SLC24A3: variants seen among roughly 807,000 people sequenced by gnomAD.
The protein encoded by SLC24A3 is sodium/potassium/calcium exchanger 3.
In SLC24A3, 28 loss-of-function variants were observed where a neutral mutation model predicts 75.8. The ratio of observed to expected loss-of-function variants is 0.37; its 90% CI spans 0.27 to 0.51. The LOEUF is 0.51. Ranked by LOEUF, SLC24A3 falls within the 20% of genes least tolerant of loss-of-function variation. The pLI is 0.94. For synonymous variants in SLC24A3, 372 were observed against 334.1 expected, an observed-to-expected ratio of 1.11 and a Z score of -1.24; for missense variants, 663 against 847.8, an observed-to-expected ratio of 0.78 and a Z score of 2.71.
chr20:19,490,573 A>C (rs1400411958), intron 2 of SLC24A3, among the ~76,000 whole-genome samples: 2 of 152,210 alleles, frequency 1.3e-5, no homozygotes, highest in Non-Finnish European at 2.9e-5. Flanking sequence ...TAAATATAGT[A>C]ATTATGACTC....
intron 15 of SLC24A3, among the ~76,000 whole-genome samples, chr20:19,707,900 A>G (rs147056172): frequency 5.9e-5 from 9 of 152,350 alleles, no homozygotes; most frequent in African/African-American, 2.2e-4. Flanking sequence ...TCTGAAGTTC[A>G]GAGGCAAGGT....
chr20:19,343,088 A>AAG lies in SLC24A3; in HGVS notation c.271+62002_271+62003insGA, dbSNP rs1555788806. Among the ~76,000 whole-genome samples the AAG allele has an allele frequency of 4.9e-3, 719 of 147,192 alleles. 40 individuals are homozygous for AAG. Among genetic ancestry groups the AAG allele is most frequent in the African/African-American group, 0.018 (670 of 37,580 alleles). On this transcript the variant is annotated intron_variant, in intron 2 of 16. Transcript: ENST00000328041. The stretch of plus-strand genomic sequence containing the variant: ...CCATCTCAAAAAAAAAAAAAAAGAA[A>AAG]AAAGAAAAAGAAAAAGAAAAGGCAG...
rs1987593949 is a variant in SLC24A3 at position 19,457,250 on chromosome 20, CAG to C, written c.272-58235_272-58234del. ...GTGAGGGGGGAAATGTGGAGGAGGG[CAG>C]AGTCTTGCTTTCAGCTCTGCATCTC... On this transcript the variant is annotated intron_variant, in intron 2 of 16. Coordinates refer to ENST00000328041, the MANE Select transcript of SLC24A3 (RefSeq NM_020689.4). Among the ~76,000 whole-genome samples the C allele has an allele frequency of 2.6e-5, 4 of 152,134 alleles. No individual in the cohort carries two copies. In the South Asian group the frequency reaches 8.3e-4, roughly 32 times the overall value.
intron 7 of SLC24A3, 125 bp downstream of exon 7, chr20:19,654,261 T>C (rs567955016): frequency 1.3e-6 from 1 of 796,322 alleles, no homozygotes; most frequent in African/African-American, 1.7e-5. Flanking sequence ...ATGTCTTTGC[T>C]TGGAGGCAGA....
intron 6 of SLC24A3, among the ~76,000 whole-genome samples, chr20:19,608,367 A>G (rs1163727889): frequency 6.6e-6 from 1 of 152,226 alleles, no homozygotes; most frequent in East Asian, 1.9e-4. Flanking sequence ...AGACCACAAG[A>G]AATGTGAAGT....
intron 9 of SLC24A3, 143 bp from the exon 10 acceptor site, chr20:19,681,715 T>C: frequency 2.3e-6 from 3 of 1,296,194 alleles, no homozygotes; most frequent in Non-Finnish European, 3.2e-6. Flanking sequence ...GGGGAATGGG[T>C]TGAGAAAATT....
intron 6 of SLC24A3, among the ~76,000 whole-genome samples, chr20:19,628,796 T>C (rs961162582): frequency 6.6e-6 from 1 of 152,132 alleles, no homozygotes; most frequent in South Asian, 2.1e-4. Context: ...ATTATACCTG[T>C]AGGCCCAGAG....
At chr20:19,508,850 T>C (rs73902430) in intron 2 of SLC24A3, among the ~76,000 whole-genome samples, 142 of 152,386 alleles carry the variant, frequency 9.3e-4, no homozygotes, top group African/African-American at 3.3e-3. Context: ...TAACAGGCCA[T>C]GTGGGCCATG....
At chr20:19,433,655 A>G (rs1987143416) in intron 2 of SLC24A3, among the ~76,000 whole-genome samples, 1 of 152,204 alleles carries the variant, frequency 6.6e-6, no homozygotes, top group Non-Finnish European at 1.5e-5. Flanking sequence ...GTATTAATAG[A>G]AAATGTAAAG....
chr20:19,256,768 C>CA (rs11475395), intron 1 of SLC24A3, among the ~76,000 whole-genome samples: 935 of 79,898 alleles, frequency 0.012, 7 homozygotes, highest in East Asian at 0.035. Flanking sequence ...GACGTTGTCT[C>CA]AAAAAAAAAA....
At chr20:19,549,513 G>A (rs376157944) in intron 3 of SLC24A3, among the ~76,000 whole-genome samples, 3 of 152,198 alleles carry the variant, frequency 2.0e-5, no homozygotes, top group East Asian at 3.8e-4. Flanking sequence ...GCCAGGTGTG[G>A]TGGCTCATGC....
intron 2 of SLC24A3, among the ~76,000 whole-genome samples, chr20:19,421,203 TTAAAC>T (rs1440047297): frequency 1.3e-5 from 1 of 74,368 alleles, no homozygotes; most frequent in African/African-American, 5.5e-5. Flanking sequence ...TGGGATCTAA[TTAAAC>T]TAAAGAGCTT....
intron 3 of SLC24A3, among the ~76,000 whole-genome samples, chr20:19,534,461 A>T (rs908681272): frequency 3.5e-5 from 4 of 114,876 alleles, no homozygotes; most frequent in African/African-American, 1.2e-4. Flanking sequence ...CCCAGGCTGG[A>T]GTGCAGTGGC....
chr20:19,477,177 C>A (rs1212108818), intron 2 of SLC24A3, among the ~76,000 whole-genome samples: 1 of 152,042 alleles, frequency 6.6e-6, no homozygotes, highest in Non-Finnish European at 1.5e-5. Context: ...GCAGGTGGAA[C>A]TCCTAGGACC....
At chr20:19,511,401 C>G (rs1346102334) in intron 2 of SLC24A3, among the ~76,000 whole-genome samples, 1 of 151,064 alleles carries the variant, frequency 6.6e-6, no homozygotes, top group African/African-American at 2.4e-5. Flanking sequence ...GATCTCCGCT[C>G]ACTGCAAGCT....
intron 2 of SLC24A3, among the ~76,000 whole-genome samples, chr20:19,298,666 C>T (rs938196045): frequency 6.6e-6 from 1 of 152,192 alleles, no homozygotes; most frequent in African/African-American, 2.4e-5. Flanking sequence ...AAAATTCTGC[C>T]TAAGTTCCTT....
At chr20:19,604,024 C>A (rs907550893) in intron 6 of SLC24A3, among the ~76,000 whole-genome samples, 1 of 152,192 alleles carries the variant, frequency 6.6e-6, no homozygotes, top group African/African-American at 2.4e-5. Context: ...ACAGTGTGGT[C>A]CAGTCACTTA....
intron 2 of SLC24A3, among the ~76,000 whole-genome samples, chr20:19,430,171 G>C (rs1423200029): frequency 6.6e-6 from 1 of 152,168 alleles, no homozygotes; most frequent in Non-Finnish European, 1.5e-5. Flanking sequence ...TGGGGTAAAG[G>C]CCACCTTTAG....
intron 6 of SLC24A3, among the ~76,000 whole-genome samples, chr20:19,626,065 T>G (rs555571122): frequency 1.3e-5 from 2 of 148,830 alleles, no homozygotes; most frequent in African/African-American, 4.8e-5. Flanking sequence ...GTGAATTGGT[T>G]TTAGTAATAA....
Sources: gnomAD v4.1 joint callset for allele counts (sites outside exome capture counted in the v4.1 genomes callset) on GRCh38, gnomAD v4.1.1 for gene constraint, MANE v1.5 for transcripts, NCBI Gene and HGNC (gene_info 2026-07-23, HGNC 2026-07-21) for gene names.